The following ZYG11B variants were observed in gnomAD, a reference collection of about 807,000 sequenced individuals.
ZYG11B encodes zyg-11 family member B, cell cycle regulator, also known as protein zyg-11 homolog B.
A neutral mutation model predicts 82.4 loss-of-function variants in ZYG11B; 36 were observed. The observed-to-expected ratio is 0.44, with a 90% CI of 0.33 to 0.58. The LOEUF (loss-of-function observed/expected upper bound fraction) is 0.58. ZYG11B is among the 20% of genes least tolerant of loss of function. The pLI is 0.02. For missense variants in ZYG11B, 552 were observed against 895.6 expected, an observed-to-expected ratio of 0.62 and a Z score of 4.90; for synonymous variants, 303 against 312.8, an observed-to-expected ratio of 0.97 and a Z score of 0.33.
In ZYG11B at chr1:52,823,997, G is replaced by T. The variant is rs1645305260; in HGVS notation, c.*2368G>T. On this transcript the variant is annotated 3_prime_UTR_variant, in exon 14 of 14. Coordinates refer to ENST00000294353, the MANE Select transcript of ZYG11B (RefSeq NM_024646.3). ...AATACAAAAACTAGCTGGGCATGGT[G>T]GCTTTTTTGCACGCCTATAGTCCCA... The T allele has an allele frequency of 6.6e-6, 1 of 152,160 alleles. No homozygotes were observed. The highest frequency in any genetic ancestry group is 6.6e-5 in the Admixed American group (1 of 15,252). The allele number at this position is 152,160 out of a possible 1,614,324, so 9.4% of individuals were successfully genotyped here.
At position 52,726,687 on chromosome 1, in the gene ZYG11B, AG is replaced by A; in HGVS notation, c.30+7del. 1 of 1,478,464 alleles carries A rather than the reference AG, an allele frequency of 6.8e-7. No homozygotes were observed. Among genetic ancestry groups the A allele is most frequent in the African/African-American group, 1.5e-5 (1 of 68,570 alleles). 91.6% of individuals were successfully genotyped at this position (1,478,464 alleles called of 1,614,324 possible). A position where few individuals can be genotyped will look rare whatever the true frequency, so the allele number is the denominator to read the frequency against. ...GGACCAGGCCGGCGCAGCCATGGTGAGGGAGCAAGGCCTGCCCTAGCCGCAG... is the reference window on the plus strand; with the variant it reads ...GGACCAGGCCGGCGCAGCCATGGTGAGGAGCAAGGCCTGCCCTAGCCGCAG... On this transcript the variant is annotated splice_donor_5th_base_variant and intron_variant, in intron 1 of 13. Transcript: ENST00000294353.
intron 8 of ZYG11B, among the ~76,000 whole-genome samples, chr1:52,797,392 A>G (rs1464079931): frequency 1.2e-5 from 1 of 83,274 alleles, no homozygotes; most frequent in Admixed American, 1.8e-4. Flanking sequence ...ATACATATAT[A>G]TCATATATGA....
intron 10 of ZYG11B, chr1:52,805,654 A>C (rs1372184510): frequency 3.2e-6 from 1 of 315,158 alleles, no homozygotes; most frequent in Admixed American, 4.0e-5. Flanking sequence ...CAACATGGTG[A>C]AACCCCGTTT....
chr1:52,733,517 T>C (rs1004429359), intron 1 of ZYG11B, among the ~76,000 whole-genome samples: 9 of 151,982 alleles, frequency 5.9e-5, no homozygotes, highest in African/African-American at 2.2e-4. Flanking sequence ...CTACACAGAA[T>C]GAAAAAATTA....
At chr1:52,783,853 T>TGTGTGCGTATGTACATACAC (rs1644881850) in intron 4 of ZYG11B, among the ~76,000 whole-genome samples, 1 of 57,168 alleles carries the variant, frequency 1.7e-5, no homozygotes, top group African/African-American at 5.6e-5. Context: ...TACATACACG[T>TGTGTGCGTATGTACATACAC]GTGTGTGTAT....
chr1:52,780,111 G>A (rs1644842862), intron 4 of ZYG11B, 118 bp downstream of exon 4: 1 of 937,822 alleles, frequency 1.1e-6, no homozygotes, highest in Non-Finnish European at 1.6e-6. Context: ...TAATGTGATT[G>A]ATGACGTGTG....
At chr1:52,754,959 C>CA (rs1553258549) in intron 1 of ZYG11B, among the ~76,000 whole-genome samples, 1 of 126,686 alleles carries the variant, frequency 7.9e-6, no homozygotes, top group Non-Finnish European at 1.6e-5. Flanking sequence ...AAAGCCTATT[C>CA]TTTTTTTTTT....
intron 12 of ZYG11B, 132 bp from the exon 13 acceptor site, chr1:52,816,400 T>G: frequency 1.6e-6 from 1 of 635,326 alleles, no homozygotes; most frequent in Non-Finnish European, 2.8e-6. Flanking sequence ...GAAATGATAT[T>G]CTATAGCTCA....
chr1:52,752,050 G>A (rs1283076021), intron 1 of ZYG11B, among the ~76,000 whole-genome samples: 1 of 151,652 alleles, frequency 6.6e-6, no homozygotes, highest in African/African-American at 2.4e-5. Context: ...AGTTCTGACA[G>A]TAACCAGCAT....
At chr1:52,784,584 A>G (rs1457953406) in intron 4 of ZYG11B, among the ~76,000 whole-genome samples, 3 of 152,242 alleles carry the variant, frequency 2.0e-5, no homozygotes, top group South Asian at 4.1e-4. Flanking sequence ...ACTGCCTTCC[A>G]TATAACAGGC....
At chr1:52,752,308 C>T (rs1644532977) in intron 1 of ZYG11B, among the ~76,000 whole-genome samples, 1 of 152,216 alleles carries the variant, frequency 6.6e-6, no homozygotes, top group Non-Finnish European at 1.5e-5. Context: ...GGAAGAGATA[C>T]ATAGGGCAAC....
At chr1:52,757,402 G>A (rs576297953) in intron 2 of ZYG11B, among the ~76,000 whole-genome samples, 2 of 152,214 alleles carry the variant, frequency 1.3e-5, no homozygotes, top group Admixed American at 6.5e-5. Flanking sequence ...CGGGCCGGGC[G>A]TGGTGGCTCA....
intron 6 of ZYG11B, among the ~76,000 whole-genome samples, chr1:52,792,398 G>C (rs1256747020): frequency 6.6e-6 from 1 of 152,156 alleles, no homozygotes; most frequent in Non-Finnish European, 1.5e-5. Context: ...GTAAAAACTA[G>C]CATGTATGAA....
chr1:52,803,245 CACACATATATATATATATAT>C (rs1558140621), intron 10 of ZYG11B, among the ~76,000 whole-genome samples: 2,631 of 61,590 alleles, frequency 0.043, 209 homozygotes, highest in East Asian at 0.24. Context: ...TATATACACA[CACACATATATATATATATAT>C]ACACACACAC....
chr1:52,728,003 T>C (rs1390890542), intron 1 of ZYG11B, among the ~76,000 whole-genome samples: 2 of 152,218 alleles, frequency 1.3e-5, no homozygotes, highest in Non-Finnish European at 2.9e-5. Context: ...GAATTTTCCC[T>C]AACTCACTCC....
At chr1:52,739,687 T>G (rs1644408670) in intron 1 of ZYG11B, among the ~76,000 whole-genome samples, 1 of 152,108 alleles carries the variant, frequency 6.6e-6, no homozygotes, top group Non-Finnish European at 1.5e-5. Context: ...AGTAGCATGA[T>G]CTTGGCTCAC....
At chr1:52,799,557 A>T (rs1645057912) in intron 8 of ZYG11B, among the ~76,000 whole-genome samples, 1 of 151,442 alleles carries the variant, frequency 6.6e-6, no homozygotes, top group Non-Finnish European at 1.5e-5. Context: ...TGGGAGGTTG[A>T]GGTGGGCGGA....
chr1:52,752,491 A>C (rs1289787022), intron 1 of ZYG11B, among the ~76,000 whole-genome samples: 1 of 152,200 alleles, frequency 6.6e-6, no homozygotes, highest in Non-Finnish European at 1.5e-5. Context: ...ATTGGTTATT[A>C]ACAACTTTGA....
chr1:52,737,315 A>G (rs1166194083), intron 1 of ZYG11B, among the ~76,000 whole-genome samples: 2 of 152,174 alleles, frequency 1.3e-5, no homozygotes, highest in African/African-American at 4.8e-5. Flanking sequence ...TGCCCTGGTT[A>G]TAGCAGTTGT....
Sources: gnomAD v4.1 joint callset for allele counts (sites outside exome capture counted in the v4.1 genomes callset) on GRCh38, gnomAD v4.1.1 for gene constraint, MANE v1.5 for transcripts, NCBI Gene and HGNC (gene_info 2026-07-23, HGNC 2026-07-21) for gene names.